Variants in ELAPOR2 observed in about 807,000 individuals in gnomAD.
ELAPOR2 encodes endosome/lysosome-associated apoptosis and autophagy regulator family member 2.
A neutral mutation model predicts 120.7 loss-of-function variants in ELAPOR2; 89 were observed. The ratio of observed to expected loss-of-function variants is 0.74; its 90% confidence interval spans 0.62 to 0.88. The LOEUF (loss-of-function observed/expected upper bound fraction) is 0.88, where lower values mean the gene tolerates loss of function less well. ELAPOR2 is among the 40% of genes least tolerant of loss of function. The pLI, the probability that ELAPOR2 is intolerant of heterozygous loss-of-function variation, is 0.00. For missense variants in ELAPOR2, 1,134 were observed against 1,251.6 expected, an observed-to-expected ratio of 0.91 and a Z score of 1.42; for synonymous variants, 444 against 444.9, an observed-to-expected ratio of 1.00 and a Z score of 0.03.
intron 1 of ELAPOR2, among the ~76,000 whole-genome samples, chr7:86,984,716 G>T (rs1792647450): frequency 6.6e-6 from 1 of 152,150 alleles, no homozygotes; most frequent in Non-Finnish European, 1.5e-5. Context: ...AGCACTAAAT[G>T]CCCATAAGAG....
In ELAPOR2 at chr7:87,049,094, C is replaced by A. The variant is rs542263126; in HGVS notation, c.189+10231G>T. On this transcript the variant is annotated intron_variant, in intron 1 of 21. Transcript: ENST00000450689. ...GAACATCTACTAAGTGCCAGGCACT[C>A]TTCAATGTGCTAGGGATATAGTAGT... is the stretch of plus-strand genomic sequence containing the variant. 2.0e-5 allele frequency among the ~76,000 whole-genome samples: 3 copies of A among 152,242 alleles called. No homozygotes were observed. The South Asian group carries it at 6.2e-4, about 32-fold the overall frequency.
intron 1 of ELAPOR2, among the ~76,000 whole-genome samples, chr7:86,965,416 A>AAAGAAAC (rs1312513058): frequency 3.9e-4 from 59 of 152,226 alleles, no homozygotes; most frequent in Admixed American, 3.9e-3. Context: ...TGTTTCAAAG[A>AAAGAAAC]AAGAAACAAG....
intron 1 of ELAPOR2, among the ~76,000 whole-genome samples, chr7:87,048,020 C>T (rs1025101829): frequency 3.3e-5 from 5 of 152,148 alleles, no homozygotes; most frequent in South Asian, 4.2e-4. Context: ...CTGAGGTGGG[C>T]GGATCACAAG....
At chr7:86,945,966 C>G (rs1014669517) in intron 3 of ELAPOR2, among the ~76,000 whole-genome samples, 5 of 151,780 alleles carry the variant, frequency 3.3e-5, no homozygotes, top group Admixed American at 2.0e-4. Context: ...AATATATACA[C>G]ATAAGAACCC....
intron 1 of ELAPOR2, among the ~76,000 whole-genome samples, chr7:87,007,096 GT>G (rs1325417804): frequency 2.6e-5 from 4 of 152,186 alleles, no homozygotes; most frequent in African/African-American, 9.6e-5. Context: ...AAAATGGAGT[GT>G]TTTGAGTGAT....
intron 1 of ELAPOR2, among the ~76,000 whole-genome samples, chr7:86,976,743 A>G (rs1051915918): frequency 4.6e-5 from 7 of 152,208 alleles, no homozygotes; most frequent in Admixed American, 6.5e-5. Context: ...TCACAACATA[A>G]TATTAAAAAT....
chr7:87,054,275 G>A (rs1024530770), intron 1 of ELAPOR2, among the ~76,000 whole-genome samples: 4 of 152,158 alleles, frequency 2.6e-5, no homozygotes, highest in African/African-American at 7.2e-5. Flanking sequence ...ATAGGAAAAC[G>A]TGCCACTCTA....
intron 1 of ELAPOR2, among the ~76,000 whole-genome samples, chr7:87,003,118 G>A (rs1011829251): frequency 5.3e-5 from 8 of 152,056 alleles, no homozygotes; most frequent in African/African-American, 9.7e-5. Context: ...CCTTCTTTAT[G>A]GGATTGATAA....
At chr7:86,884,067 T>C (rs1429524110) in intron 21 of ELAPOR2, among the ~76,000 whole-genome samples, 1 of 152,202 alleles carries the variant, frequency 6.6e-6, no homozygotes. Flanking sequence ...ATGGTGGGCA[T>C]ATGACTATAC....
At chr7:86,888,101 T>C (rs1249945013) in intron 21 of ELAPOR2, among the ~76,000 whole-genome samples, 1 of 152,040 alleles carries the variant, frequency 6.6e-6, no homozygotes, top group Admixed American at 6.6e-5. Context: ...TGTTGCTTTG[T>C]TGGCTGTCAT....
rs545061303 is a variant in ELAPOR2, at chr7:86,943,121, T to C, written c.655-1017A>G. Among the ~76,000 whole-genome samples the C allele has an allele frequency of 2.6e-5, 4 of 152,142 alleles. No individual in the cohort carries two copies. In the South Asian group the frequency reaches 8.3e-4, roughly 32 times the overall value. On this transcript the variant is annotated intron_variant, in intron 4 of 21. Coordinates refer to ENST00000450689, the MANE Select transcript of ELAPOR2 (RefSeq NM_001142749.3). ...ATTTTAATGCAAGTGTTAAGCTACTTAAAAGCAGATGTGGACCCTGAATAT... is the reference window on the plus strand; with the variant it reads ...ATTTTAATGCAAGTGTTAAGCTACTCAAAAGCAGATGTGGACCCTGAATAT...
chr7:86,907,827 C>A, intron 17 of ELAPOR2, 56 bp from the exon 18 acceptor site: 1 of 932,506 alleles, frequency 1.1e-6, no homozygotes, highest in South Asian at 2.2e-5. Flanking sequence ...ATTACAAAGA[C>A]AAAAATATGG....
intron 18 of ELAPOR2, among the ~76,000 whole-genome samples, chr7:86,905,861 G>T (rs568629325): frequency 6.6e-6 from 1 of 152,276 alleles, no homozygotes; most frequent in African/African-American, 2.4e-5. Flanking sequence ...TCCCTAAGTG[G>T]CAGATTCCTG....
At chr7:86,897,456 G>A in intron 19 of ELAPOR2, 50 bp downstream of exon 19, 1 of 1,584,472 alleles carries the variant, frequency 6.3e-7, no homozygotes, top group Non-Finnish European at 8.6e-7. Flanking sequence ...TTTGATGCCA[G>A]ATTAACCAAC....
At chr7:86,995,745 T>C (rs1054082849) in intron 1 of ELAPOR2, among the ~76,000 whole-genome samples, 1 of 152,180 alleles carries the variant, frequency 6.6e-6, no homozygotes, top group African/African-American at 2.4e-5. Flanking sequence ...ACTTGAAGGA[T>C]AGGAGAGGAG....
At chr7:86,948,089 C>T (rs777332792) in intron 2 of ELAPOR2, among the ~76,000 whole-genome samples, 167 bp from the exon 3 acceptor site, 1 of 152,188 alleles carries the variant, frequency 6.6e-6, no homozygotes, top group Non-Finnish European at 1.5e-5. Context: ...TGGTTCCAAC[C>T]TATTTTTCCA....
chr7:86,961,245 T>A (rs1057162663), intron 2 of ELAPOR2, among the ~76,000 whole-genome samples: 1 of 152,160 alleles, frequency 6.6e-6, no homozygotes, highest in Non-Finnish European at 1.5e-5. Flanking sequence ...GATATCTTAA[T>A]CATCTTCATT....
chr7:87,008,165 T>A (rs538787885), intron 1 of ELAPOR2, among the ~76,000 whole-genome samples: 1 of 152,332 alleles, frequency 6.6e-6, no homozygotes, highest in African/African-American at 2.4e-5. Context: ...CCTGGTATCA[T>A]GCACTGGAAA....
intron 1 of ELAPOR2, among the ~76,000 whole-genome samples, chr7:86,967,363 G>A (rs1791947410): frequency 6.6e-6 from 1 of 152,096 alleles, no homozygotes; most frequent in Admixed American, 6.5e-5. Context: ...GCTGGGGCAT[G>A]AGAATCACTT....
Sources: gnomAD v4.1 joint callset for allele counts (sites outside exome capture counted in the v4.1 genomes callset) on GRCh38, gnomAD v4.1.1 for gene constraint, MANE v1.5 for transcripts, NCBI Gene and HGNC (gene_info 2026-07-23, HGNC 2026-07-21) for gene names.